The following TBL1X variants were observed in gnomAD, a reference collection of about 807,000 sequenced individuals.
The protein encoded by TBL1X is transducin beta like 1 X-linked, also known as F-box-like/WD repeat-containing protein TBL1X.
Under a neutral mutation model 50.7 loss-of-function variants are expected in TBL1X, and 10 were observed. That is an observed-to-expected ratio of 0.20 (90% CI 0.12 to 0.33). The LOEUF (loss-of-function observed/expected upper bound fraction) is 0.33, where lower values mean the gene tolerates loss of function less well. Among genes scored for constraint, TBL1X ranks in the 10% least tolerant of loss-of-function variants. TBL1X has a pLI of 1.00. For missense variants in TBL1X, 340 were observed against 504.4 expected, an observed-to-expected ratio of 0.67 and a Z score of 3.12; for synonymous variants, 190 against 214.7, an observed-to-expected ratio of 0.88 and a Z score of 1.01.
intron 1 of TBL1X, among the ~76,000 whole-genome samples, chrX:9,467,221 A>T (rs759587943): frequency 7.1e-5 from 8 of 112,037 alleles, no homozygotes; most frequent in African/African-American, 2.6e-4. Context: ...AGAGGCGGGA[A>T]AATGGTCCCT....
In TBL1X at chrX:9,468,759, A is replaced by G. The variant is rs961588392; in HGVS notation, c.-201+3312A>G. 3.6e-5 allele frequency among the ~76,000 whole-genome samples: 4 copies of G among 110,918 alleles called. No individual in the cohort carries two copies. The Admixed American group carries it at 3.9e-4, about 11-fold the overall frequency. On this transcript the variant is annotated intron_variant, in intron 1 of 17. Transcript: ENST00000645353. ...TATATATATATATATGTAATTATAT[A>G]TATAGGGGTCGGGTAGAGGGAGAGA...
chrX:9,653,212 A>G (rs780764067), intron 3 of TBL1X, among the ~76,000 whole-genome samples: 1 of 112,987 alleles, frequency 8.9e-6, no homozygotes, highest in African/African-American at 3.2e-5. Context: ...CGTTAGTTGC[A>G]GCCTTTCTGG....
chrX:9,681,353 G>A (rs1033493502), intron 5 of TBL1X, among the ~76,000 whole-genome samples: 10 of 112,196 alleles, frequency 8.9e-5, no homozygotes, highest in Admixed American at 8.5e-4. Context: ...GAGTCACATA[G>A]TCTACGGTTC....
chrX:9,537,824 G>A (rs981313638), intron 2 of TBL1X, among the ~76,000 whole-genome samples: 4 of 112,223 alleles, frequency 3.6e-5, no homozygotes, highest in African/African-American at 1.3e-4. Context: ...TGTGTGGCTA[G>A]TGGCTGCTGT....
At chrX:9,557,447 G>A (rs1378759773) in intron 2 of TBL1X, among the ~76,000 whole-genome samples, 2 of 111,207 alleles carry the variant, frequency 1.8e-5, no homozygotes, top group Non-Finnish European at 3.8e-5. Flanking sequence ...AGTGGCAGTG[G>A]GCTTGAAGAG....
chrX:9,644,926 G>A (rs1382821266), intron 3 of TBL1X: 1 of 112,030 alleles, frequency 8.9e-6, no homozygotes, highest in African/African-American at 3.2e-5. Context: ...CCAAAGTGCT[G>A]GGATTAACAG....
intron 11 of TBL1X, among the ~76,000 whole-genome samples, chrX:9,697,101 G>A (rs753914138): frequency 1.8e-5 from 2 of 112,205 alleles, no homozygotes; most frequent in Non-Finnish European, 1.9e-5. Context: ...ATCCCAGTAA[G>A]GTTTTGATAC....
At chrX:9,650,795 G>A (rs1304440110) in intron 3 of TBL1X, among the ~76,000 whole-genome samples, 2 of 111,722 alleles carry the variant, frequency 1.8e-5, no homozygotes, top group African/African-American at 3.3e-5. Context: ...CTGCAATTGT[G>A]AAAATGTAAT....
At chrX:9,481,069 T>C (rs1261692951) in intron 1 of TBL1X, among the ~76,000 whole-genome samples, 2 of 111,800 alleles carry the variant, frequency 1.8e-5, no homozygotes, top group African/African-American at 3.2e-5. Flanking sequence ...TCTGAAACTT[T>C]TGTCATCCAC....
intron 1 of TBL1X, among the ~76,000 whole-genome samples, chrX:9,466,858 G>A (rs2081778571): frequency 8.9e-6 from 1 of 112,484 alleles, no homozygotes; most frequent in Non-Finnish European, 1.9e-5. Context: ...AAGCCACCAA[G>A]CTGGGTAACT....
At chrX:9,650,123 C>T (rs2082825555) in intron 3 of TBL1X, among the ~76,000 whole-genome samples, 1 of 112,328 alleles carries the variant, frequency 8.9e-6, no homozygotes, top group Non-Finnish European at 1.9e-5. Context: ...CACCAAGCAG[C>T]GTCTGAGCCT....
chrX:9,658,868 G>A (rs1434384124), intron 5 of TBL1X, among the ~76,000 whole-genome samples: 4 of 112,095 alleles, frequency 3.6e-5, no homozygotes, highest in East Asian at 2.8e-4. Context: ...GCAGTGGCAC[G>A]ATCACGGCTC....
At chrX:9,531,110 G>A (rs1342818901) in intron 2 of TBL1X, 1 of 110,998 alleles carries the variant, frequency 9.0e-6, no homozygotes, top group East Asian at 2.8e-4. Context: ...TAAAAAGGGG[G>A]AGGCCTGGGT....
At chrX:9,555,328 T>C (rs1446773594) in intron 2 of TBL1X, among the ~76,000 whole-genome samples, 4 of 111,549 alleles carry the variant, frequency 3.6e-5, no homozygotes, top group Non-Finnish European at 7.5e-5. Context: ...ATCCTCCTGT[T>C]TCAGCCTCCC....
chrX:9,530,091 C>G (rs758200097), intron 2 of TBL1X, among the ~76,000 whole-genome samples: 1 of 111,766 alleles, frequency 8.9e-6, no homozygotes, highest in Non-Finnish European at 1.9e-5. Context: ...CTGAGCTCCT[C>G]TAGTTTTAGA....
chrX:9,489,054 C>A (rs1055585656), intron 1 of TBL1X, among the ~76,000 whole-genome samples: 1 of 111,176 alleles, frequency 9.0e-6, no homozygotes, highest in Non-Finnish European at 1.9e-5. Context: ...GATTGCTGAA[C>A]AGCTCAGAGA....
chrX:9,529,660 T>A (rs1420738356), intron 2 of TBL1X, among the ~76,000 whole-genome samples: 1 of 108,920 alleles, frequency 9.2e-6, no homozygotes, highest in Non-Finnish European at 1.9e-5. Flanking sequence ...CTCCATGGCA[T>A]GGTTGGGCGC....
At chrX:9,555,135 G>T (rs750049091) in intron 2 of TBL1X, among the ~76,000 whole-genome samples, 1 of 111,443 alleles carries the variant, frequency 9.0e-6, no homozygotes, top group South Asian at 3.8e-4. Context: ...GAATGTAGTG[G>T]TAGGATCATA....
At chrX:9,534,019 A>G (rs1013910414) in intron 2 of TBL1X, among the ~76,000 whole-genome samples, 1 of 111,683 alleles carries the variant, frequency 9.0e-6, no homozygotes, top group Non-Finnish European at 1.9e-5. Flanking sequence ...ACCCAGAACC[A>G]TGCGGGAGCA....
Sources: gnomAD v4.1 joint callset for allele counts (sites outside exome capture counted in the v4.1 genomes callset) on GRCh38, gnomAD v4.1.1 for gene constraint, MANE v1.5 for transcripts, NCBI Gene and HGNC (gene_info 2026-07-23, HGNC 2026-07-21) for gene names.